The following EYS variants were observed in gnomAD, a reference collection of about 807,000 sequenced individuals.
EYS encodes protein eyes shut homolog.
EYS carries 250 observed loss-of-function variants against 282.1 expected under a neutral mutation model. The ratio of observed to expected loss-of-function variants is 0.89; its 90% CI spans 0.80 to 0.98. The LOEUF (loss-of-function observed/expected upper bound fraction) is 0.98, where lower values mean the gene tolerates loss of function less well. Among genes scored for constraint, EYS ranks in the 50% least tolerant of loss-of-function variants. The pLI is 0.00. For missense variants in EYS, 4,016 were observed against 3,709.0 expected, an observed-to-expected ratio of 1.08 and a Z score of -2.15; for synonymous variants, 1,355 against 1,282.9, an observed-to-expected ratio of 1.06 and a Z score of -1.20.
chr6:65,537,932 A>C (rs1199987565), intron 2 of EYS, among the ~76,000 whole-genome samples: 1 of 152,186 alleles, frequency 6.6e-6, no homozygotes, highest in Non-Finnish European at 1.5e-5. Flanking sequence ...AATGATTAAG[A>C]GTCAAACTCT....
At chr6:64,187,532 TAAAA>T (rs925350496) in intron 31 of EYS, among the ~76,000 whole-genome samples, 7 of 151,844 alleles carry the variant, frequency 4.6e-5, no homozygotes, top group African/African-American at 1.7e-4. Context: ...ATTAAATAAA[TAAAA>T]AAAATTTATA....
intron 19 of EYS, among the ~76,000 whole-genome samples, chr6:64,858,097 T>C (rs1197701126): frequency 3.3e-5 from 5 of 152,156 alleles, no homozygotes; most frequent in Non-Finnish European, 5.9e-5. Context: ...AAATTTTTAG[T>C]TTGATGCTAT....
At chr6:63,875,045 G>A (rs1772930792) in intron 35 of EYS, among the ~76,000 whole-genome samples, 1 of 152,154 alleles carries the variant, frequency 6.6e-6, no homozygotes, top group African/African-American at 2.4e-5. Flanking sequence ...TCCCTGTCTT[G>A]TGCCAGTTTT....
intron 19 of EYS, among the ~76,000 whole-genome samples, chr6:64,870,996 A>G (rs544820893): frequency 9.2e-5 from 14 of 152,024 alleles, no homozygotes; most frequent in Non-Finnish European, 1.5e-5. Flanking sequence ...GAAGAAGATG[A>G]AAAGGAAGGG....
chr6:63,777,207 G>T (rs991127773), intron 40 of EYS, among the ~76,000 whole-genome samples: 40 of 152,134 alleles, frequency 2.6e-4, no homozygotes, highest in African/African-American at 9.7e-4. Flanking sequence ...GAGGGGATTT[G>T]TTCAGGGAGA....
At chr6:65,057,061 G>C (rs953349746) in intron 13 of EYS, among the ~76,000 whole-genome samples, 22 of 151,700 alleles carry the variant, frequency 1.5e-4, no homozygotes, top group Non-Finnish European at 4.4e-5. Context: ...CTTAGAAAGA[G>C]ATACTAAAGT....
intron 11 of EYS, among the ~76,000 whole-genome samples, chr6:65,317,875 TTTCTTTCTTTCA>T (rs1308336098): frequency 4.4e-5 from 3 of 68,014 alleles, no homozygotes; most frequent in Non-Finnish European, 8.7e-5. Flanking sequence ...TCTTTCTTTC[TTTCTTTCTTTCA>T]GACAGAGTCT....
At chr6:64,262,101 A>G (rs9362652) in intron 30 of EYS, among the ~76,000 whole-genome samples, 31,821 of 151,934 alleles carry the variant, frequency 0.21, 4,027 homozygotes, top group Admixed American at 0.32. Flanking sequence ...ATGAGATAAA[A>G]TTGTAAATGT....
chr6:64,147,994 A>G (rs1774576013), intron 31 of EYS, among the ~76,000 whole-genome samples: 3 of 152,174 alleles, frequency 2.0e-5, no homozygotes, highest in African/African-American at 7.2e-5. Context: ...GCAGAATGCA[A>G]AAAACCCTAG....
intron 35 of EYS, among the ~76,000 whole-genome samples, chr6:63,953,425 G>A (rs573630776): frequency 4.7e-4 from 72 of 152,112 alleles, no homozygotes; most frequent in Non-Finnish European, 8.7e-4. Flanking sequence ...GAAGGATATC[G>A]TGTATCCCCC....
chr6:64,525,793 CTG>C (rs1321932723), intron 26 of EYS, among the ~76,000 whole-genome samples: 3 of 151,732 alleles, frequency 2.0e-5, no homozygotes, highest in Non-Finnish European at 4.4e-5. Flanking sequence ...TACAGTCACT[CTG>C]TAAAACAGTT....
chr6:63,833,079 C>A (rs566592695), intron 36 of EYS, among the ~76,000 whole-genome samples: 4 of 152,010 alleles, frequency 2.6e-5, no homozygotes, highest in South Asian at 2.1e-4. Context: ...AAATAATAAG[C>A]CCTATTTATG....
At chr6:64,659,686 G>A (rs1768917661) in intron 22 of EYS, among the ~76,000 whole-genome samples, 1 of 152,018 alleles carries the variant, frequency 6.6e-6, no homozygotes, top group Non-Finnish European at 1.5e-5. Flanking sequence ...ACTAAACCAG[G>A]AAGAAGTTGA....
At chr6:63,772,042 AT>A (rs1225396579) in intron 40 of EYS, among the ~76,000 whole-genome samples, 1 of 152,152 alleles carries the variant, frequency 6.6e-6, no homozygotes, top group Non-Finnish European at 1.5e-5. Flanking sequence ...GTCTTGGTTC[AT>A]TTTAGTGGAA....
intron 14 of EYS, among the ~76,000 whole-genome samples, chr6:64,967,878 T>C (rs1286288106): frequency 2.0e-5 from 3 of 152,182 alleles, no homozygotes. Context: ...ATTTGTTGTA[T>C]GGTGTTAATT....
At chr6:64,817,950 TAA>T (rs551210715) in intron 21 of EYS, among the ~76,000 whole-genome samples, 33 of 152,320 alleles carry the variant, frequency 2.2e-4, no homozygotes, top group African/African-American at 7.7e-4. Flanking sequence ...TGCTTTATGT[TAA>T]GTCTGCTCAT....
At chr6:65,608,240 A>G (rs940257392) in intron 2 of EYS, among the ~76,000 whole-genome samples, 1 of 152,064 alleles carries the variant, frequency 6.6e-6, no homozygotes, top group Non-Finnish European at 1.5e-5. Flanking sequence ...ATGAGGTACT[A>G]CTGTACAGAA....
intron 2 of EYS, among the ~76,000 whole-genome samples, chr6:65,532,465 T>C (rs1176164226): frequency 6.6e-6 from 1 of 152,170 alleles, no homozygotes; most frequent in African/African-American, 2.4e-5. Flanking sequence ...GACTTAGCCT[T>C]TCTTCAAGAT....
chr6:65,400,105 C>G (rs1224007301), intron 7 of EYS, among the ~76,000 whole-genome samples: 1 of 151,884 alleles, frequency 6.6e-6, no homozygotes, highest in African/African-American at 2.4e-5. Context: ...TAGGGCCAAA[C>G]AAGCAAGTAG....
Sources: allele counts gnomAD v4.1 joint callset (sites outside exome capture counted in the v4.1 genomes callset), GRCh38; gene constraint gnomAD v4.1.1; transcripts MANE v1.5; gene names NCBI Gene and HGNC (gene_info 2026-07-23, HGNC 2026-07-21).